TPH1: variants seen among roughly 807,000 people sequenced by gnomAD.
The protein encoded by TPH1 is tryptophan hydroxylase 1, also known as tryptophan 5-hydroxylase 1.
In TPH1, 37 loss-of-function variants were observed where a neutral mutation model predicts 49.5. That is an observed-to-expected ratio of 0.75 (90% CI 0.58 to 0.98). The LOEUF (loss-of-function observed/expected upper bound fraction) is 0.98. TPH1 is among the 50% of genes least tolerant of loss of function. The probability of loss-of-function intolerance (pLI) is 0.00; values close to 1 mark genes in which losing one functional copy is unlikely to be tolerated. For missense variants in TPH1, 487 were observed against 523.6 expected (o/e 0.93, Z 0.68); for synonymous variants, 160 against 182.1 (o/e 0.88, Z 0.98).
intron 2 of TPH1, among the ~76,000 whole-genome samples, chr11:18,038,047 A>C (rs1210415559): frequency 6.6e-6 from 1 of 152,216 alleles, no homozygotes; most frequent in Non-Finnish European, 1.5e-5. Context: ...AGAGCCAAAA[A>C]CCGGGACACA....
intron 10 of TPH1, 132 bp downstream of exon 10, chr11:18,022,666 G>C (rs1854376206): frequency 4.4e-6 from 4 of 911,404 alleles, no homozygotes; most frequent in Non-Finnish European, 5.2e-6. Flanking sequence ...TGTTATGAAA[G>C]GAAGATGTGT....
chr11:18,044,541 T>C (rs1337685907), intron 1 of TPH1, among the ~76,000 whole-genome samples: 2 of 148,652 alleles, frequency 1.3e-5, no homozygotes, highest in Non-Finnish European at 2.9e-5. Flanking sequence ...CTCTTTTTTG[T>C]TCCCCCCCAC....
At chr11:18,027,388 C>G (rs1162297895) in intron 6 of TPH1, among the ~76,000 whole-genome samples, 1 of 152,216 alleles carries the variant, frequency 6.6e-6, no homozygotes, top group African/African-American at 2.4e-5. Flanking sequence ...CATATCTGTG[C>G]TGTCCGGTAA....
intron 3 of TPH1, among the ~76,000 whole-genome samples, chr11:18,034,664 T>C (rs113856193): frequency 7.2e-5 from 11 of 152,284 alleles, no homozygotes; most frequent in African/African-American, 2.6e-4. Flanking sequence ...GCAGTCCTGA[T>C]TACACCTCAA....
intron 9 of TPH1, 125 bp downstream of exon 9, chr11:18,023,763 G>A: frequency 1.4e-6 from 1 of 694,834 alleles, no homozygotes; most frequent in Non-Finnish European, 2.6e-6. Context: ...ATACATTCAG[G>A]TAATGATTAG....
At chr11:18,042,216 A>C (rs999770060) in intron 1 of TPH1, 21 of 359,820 alleles carry the variant, frequency 5.8e-5, no homozygotes, top group Middle Eastern at 5.8e-4. Context: ...TTCCACTTCA[A>C]AGGAAGTGAC....
chr11:18,024,113 C>G, intron 8 of TPH1, 130 bp from the exon 9 acceptor site: 2 of 725,318 alleles, frequency 2.8e-6, no homozygotes, highest in Non-Finnish European at 4.9e-6. Context: ...ACAAGTCTTT[C>G]TACAATCTGA....
intron 2 of TPH1, among the ~76,000 whole-genome samples, chr11:18,037,026 T>C (rs987934929): frequency 1.3e-5 from 2 of 152,032 alleles, no homozygotes; most frequent in African/African-American, 4.8e-5. Context: ...GAGTAGAAAG[T>C]TTCATGGAGC....
chr11:18,033,845 T>C (rs2134031172), intron 3 of TPH1, among the ~76,000 whole-genome samples: 1 of 152,304 alleles, frequency 6.6e-6, no homozygotes, highest in East Asian at 1.9e-4. Context: ...CATAAGACTA[T>C]GGGGTTTTAT....
intron 1 of TPH1, among the ~76,000 whole-genome samples, chr11:18,045,246 T>C (rs975009624): frequency 5.3e-5 from 8 of 152,200 alleles, no homozygotes; most frequent in African/African-American, 1.9e-4. Context: ...GATTTTCTTT[T>C]CTAAATAAGG....
At chr11:18,045,258 G>A (rs1200491408) in intron 1 of TPH1, among the ~76,000 whole-genome samples, 1 of 152,188 alleles carries the variant, frequency 6.6e-6, no homozygotes, top group African/African-American at 2.4e-5. Context: ...TAAATAAGGA[G>A]TGGGAATGAG....
At chr11:18,036,612 G>A (rs1848049993) in intron 2 of TPH1, among the ~76,000 whole-genome samples, 1 of 152,172 alleles carries the variant, frequency 6.6e-6, no homozygotes, top group Admixed American at 6.5e-5. Context: ...TACAATCTTA[G>A]TAACAGCTGA....
chr11:18,026,581 G>C lies in TPH1; in HGVS notation c.712C>G (p.Pro238Ala). The change falls in exon 7 of 11, where the codon CCA becomes GCA. Residue 238 changes from proline (P) to alanine (A), a missense_variant. Transcript: ENST00000682019. ...SIRPVAGYLS[P>A]RDFLSGLAFR... The stretch of plus-strand genomic sequence containing the variant: ...GCTAAACCTGATAAGAAATCTCTTG[G>C]TGATAAGTAACCAGCCACAGGACGG... 1 of 1,614,012 alleles carries C rather than the reference G, an allele frequency of 6.2e-7. No individual in the cohort carries two copies. Among genetic ancestry groups the C allele is most frequent in the Non-Finnish European group, 8.5e-7 (1 of 1,179,968 alleles).
At chr11:18,035,693 G>A (rs925226807) in intron 3 of TPH1, among the ~76,000 whole-genome samples, 5 of 151,846 alleles carry the variant, frequency 3.3e-5, no homozygotes, top group South Asian at 4.1e-4. Context: ...GCCAAAGTGC[G>A]GGGATTACAG....
chr11:18,028,921 A>C (rs1847954949), intron 6 of TPH1, among the ~76,000 whole-genome samples: 2 of 151,506 alleles, frequency 1.3e-5, no homozygotes, highest in African/African-American at 4.9e-5. Context: ...AAAAATTAGC[A>C]GGGTGTGGTG....
At chr11:18,044,541 T>G (rs1337685907) in intron 1 of TPH1, among the ~76,000 whole-genome samples, 4 of 148,652 alleles carry the variant, frequency 2.7e-5, no homozygotes, top group Admixed American at 2.6e-4. Flanking sequence ...CTCTTTTTTG[T>G]TCCCCCCCAC....
intron 3 of TPH1, 52 bp downstream of exon 3, chr11:18,035,907 C>T (rs544693544): frequency 1.4e-6 from 2 of 1,403,232 alleles, no homozygotes; most frequent in Admixed American, 1.7e-5. Context: ...TAAGGCTGGA[C>T]ACACATTAGG....
At chr11:18,040,461 G>A (rs1337190983) in intron 2 of TPH1, among the ~76,000 whole-genome samples, 185 bp downstream of exon 2, 1 of 151,138 alleles carries the variant, frequency 6.6e-6, no homozygotes, top group Non-Finnish European at 1.5e-5. Flanking sequence ...CTGGACTCCC[G>A]GACTGAAGCA....
chr11:18,029,699 T>A, intron 4 of TPH1, 120 bp from the exon 5 acceptor site: 3 of 772,468 alleles, frequency 3.9e-6, no homozygotes, highest in South Asian at 1.6e-5. Flanking sequence ...ATTGATACTA[T>A]GAGCAAGCAT....
Sources: allele counts gnomAD v4.1 joint callset (sites outside exome capture counted in the v4.1 genomes callset), GRCh38; gene constraint gnomAD v4.1.1; transcripts MANE v1.5; gene names NCBI Gene and HGNC (gene_info 2026-07-23, HGNC 2026-07-21).